PPFIA2: variants seen among roughly 807,000 people sequenced by gnomAD.
The protein encoded by PPFIA2 is PPFI scaffold protein A2.
A neutral mutation model predicts 175.5 loss-of-function variants in PPFIA2; 46 were observed. The ratio of observed to expected loss-of-function variants is 0.26; its 90% CI spans 0.21 to 0.34. PPFIA2 has a LOEUF of 0.34. PPFIA2 is among the 10% of genes least tolerant of loss of function. PPFIA2 has a pLI of 1.00. For synonymous variants in PPFIA2, 568 were observed against 511.4 expected (o/e 1.11, Z -1.49); for missense variants, 1,179 against 1,506.1 (o/e 0.78, Z 3.60).
chr12:81,728,371 G>A, intron 3 of PPFIA2, among the ~76,000 whole-genome samples: 1 of 151,366 alleles, frequency 6.6e-6, no homozygotes, highest in Non-Finnish European at 1.5e-5. Flanking sequence ...TAAACACAAA[G>A]TAAAAATCTT....
At chr12:81,263,702 T>C (rs1380660473) in intron 30 of PPFIA2, among the ~76,000 whole-genome samples, 1 of 152,216 alleles carries the variant, frequency 6.6e-6, no homozygotes, top group African/African-American at 2.4e-5. Context: ...GTATATACAT[T>C]GTTCCACTTT....
At chr12:81,710,952 G>A (rs1442619116) in intron 3 of PPFIA2, among the ~76,000 whole-genome samples, 1 of 151,322 alleles carries the variant, frequency 6.6e-6, no homozygotes, top group African/African-American at 2.4e-5. Flanking sequence ...AAAATCTTTG[G>A]TCAAGCACAG....
chr12:81,689,002 A>C (rs2074870893), intron 3 of PPFIA2, among the ~76,000 whole-genome samples: 1 of 151,674 alleles, frequency 6.6e-6, no homozygotes, highest in Non-Finnish European at 1.5e-5. Flanking sequence ...TCACACTTCT[A>C]GAAAAAATTG....
chr12:81,677,221 A>T (rs1055299757), intron 3 of PPFIA2, among the ~76,000 whole-genome samples: 1 of 151,526 alleles, frequency 6.6e-6, no homozygotes, highest in Non-Finnish European at 1.5e-5. Flanking sequence ...ATTTTTTTTT[A>T]TTTTTTATGA....
At chr12:81,666,087 T>C (rs1238373539) in intron 4 of PPFIA2, among the ~76,000 whole-genome samples, 10 of 150,608 alleles carry the variant, frequency 6.6e-5, no homozygotes, top group Admixed American at 2.7e-4. Flanking sequence ...GTTAGAATGG[T>C]GATCATTAAA....
chr12:81,304,043 C>T (rs551621346), intron 22 of PPFIA2, among the ~76,000 whole-genome samples: 1 of 152,310 alleles, frequency 6.6e-6, no homozygotes, highest in South Asian at 2.1e-4. Flanking sequence ...CATGCCATCA[C>T]ATGCCTCCCT....
Position 81,758,447 on chromosome 12 carries a change from A to G in PPFIA2, c.-50T>C, listed in dbSNP as rs749911289. 146 of 456,460 alleles carry G rather than the reference A, an allele frequency of 3.2e-4. 1 individual carries two copies. Among genetic ancestry groups the G allele is most frequent in the Non-Finnish European group, 5.9e-4 (134 of 226,774 alleles). The allele number at this position is 456,460 out of a possible 1,614,324, so 28.3% of individuals were successfully genotyped here. Reference sequence around the variant, plus strand: ...CTTGCTTCTTCAATTGATCAATGACAACCGCAGTCTCCGGCTTGAGGAGAA... The same window carrying G: ...CTTGCTTCTTCAATTGATCAATGACGACCGCAGTCTCCGGCTTGAGGAGAA... On this transcript the variant is annotated 5_prime_UTR_variant, in exon 2 of 33. Coordinates refer to ENST00000549396, the MANE Select transcript of PPFIA2 (RefSeq NM_003625.5).
At chr12:81,507,641 G>A (rs1289504724) in intron 4 of PPFIA2, among the ~76,000 whole-genome samples, 2 of 152,174 alleles carry the variant, frequency 1.3e-5, no homozygotes, top group African/African-American at 4.8e-5. Context: ...TAGCAACCAT[G>A]CTGGTCTGAG....
chr12:81,400,076 A>G (rs1033898477), intron 8 of PPFIA2, among the ~76,000 whole-genome samples: 2 of 152,186 alleles, frequency 1.3e-5, no homozygotes, highest in African/African-American at 4.8e-5. Flanking sequence ...AGAATGATTA[A>G]AAGAATGGCA....
intron 4 of PPFIA2, among the ~76,000 whole-genome samples, chr12:81,511,866 A>G (rs1018450796): frequency 3.9e-5 from 6 of 152,042 alleles, no homozygotes; most frequent in Non-Finnish European, 7.4e-5. Context: ...CTATTCAAAG[A>G]AAGAGTCCTT....
At chr12:81,608,539 A>G (rs572424470) in intron 4 of PPFIA2, among the ~76,000 whole-genome samples, 1 of 152,080 alleles carries the variant, frequency 6.6e-6, no homozygotes, top group South Asian at 2.1e-4. Flanking sequence ...TATGTTTCCA[A>G]GCATTTATCT....
intron 3 of PPFIA2, among the ~76,000 whole-genome samples, chr12:81,744,696 G>T (rs536139074): frequency 6.6e-6 from 1 of 152,160 alleles, no homozygotes; most frequent in African/African-American, 2.4e-5. Context: ...AAAGTGCTGG[G>T]ATTACAGGCA....
intron 25 of PPFIA2, among the ~76,000 whole-genome samples, chr12:81,283,832 A>G (rs188963881): frequency 6.6e-6 from 1 of 152,210 alleles, no homozygotes. Context: ...TGTATCTAAG[A>G]TGGTAAAGCA....
intron 4 of PPFIA2, among the ~76,000 whole-genome samples, chr12:81,619,740 A>C (rs1357863840): frequency 6.6e-6 from 1 of 152,228 alleles, no homozygotes. Flanking sequence ...GGAAAATGTA[A>C]GCTTTAGCTA....
chr12:81,660,172 C>T (rs908059299), intron 4 of PPFIA2, among the ~76,000 whole-genome samples: 2 of 152,162 alleles, frequency 1.3e-5, no homozygotes, highest in Admixed American at 1.3e-4. Flanking sequence ...CAGCTCCTCA[C>T]CAGCAACGGA....
chr12:81,748,419 C>A (rs529092950), intron 3 of PPFIA2, among the ~76,000 whole-genome samples: 1 of 144,486 alleles, frequency 6.9e-6, no homozygotes, highest in African/African-American at 2.4e-5. Flanking sequence ...GGGACATTAC[C>A]AAAAATGACT....
intron 1 of PPFIA2, 99 bp downstream of exon 1, chr12:81,759,181 C>A (rs1350395316): frequency 1.5e-5 from 2 of 134,472 alleles, no homozygotes; most frequent in African/African-American, 5.4e-5. Flanking sequence ...TTCCCTCCCC[C>A]CCGCCGCCCC....
chr12:81,472,190 G>C (rs974226429), intron 4 of PPFIA2, among the ~76,000 whole-genome samples: 1 of 152,108 alleles, frequency 6.6e-6, no homozygotes, highest in African/African-American at 2.4e-5. Flanking sequence ...GGTTACCTAG[G>C]GCTAGGGGAG....
rs573390540 is a variant in PPFIA2 at position 81,390,137 on chromosome 12, A to T, written c.763-5893T>A. ...TCCACACCTCATTTCTACATTGATG[A>T]ATAGTATTCCATCATGGGGATATAT... On this transcript the variant is annotated intron_variant, in intron 8 of 32. Coordinates refer to ENST00000549396, the MANE Select transcript of PPFIA2 (RefSeq NM_003625.5). Among the ~76,000 whole-genome samples the T allele has an allele frequency of 4.6e-5, 7 of 152,198 alleles. No homozygotes were observed. The East Asian group carries it at 5.8e-4, about 13-fold the overall frequency.
Sources: allele counts gnomAD v4.1 joint callset (sites outside exome capture counted in the v4.1 genomes callset), GRCh38; gene constraint gnomAD v4.1.1; transcripts MANE v1.5; gene names NCBI Gene and HGNC (gene_info 2026-07-23, HGNC 2026-07-21).